MIA2: variants seen among roughly 807,000 people sequenced by gnomAD.
The protein encoded by MIA2 is melanoma inhibitory activity protein 2.
A neutral mutation model predicts 167.8 loss-of-function variants in MIA2; 127 were observed. The ratio of observed to expected loss-of-function variants is 0.76; its 90% CI spans 0.66 to 0.88. MIA2 has a LOEUF of 0.88. Among genes scored for constraint, MIA2 ranks in the 40% least tolerant of loss-of-function variants. MIA2 has a pLI of 0.00. For synonymous variants in MIA2, 552 were observed against 541.9 expected, an observed-to-expected ratio of 1.02 and a Z score of -0.26; for missense variants, 1,690 against 1,624.7, an observed-to-expected ratio of 1.04 and a Z score of -0.69.
intron 6 of MIA2, among the ~76,000 whole-genome samples, chr14:39,264,862 G>A (rs903248821): frequency 1.3e-5 from 2 of 152,160 alleles, no homozygotes; most frequent in Non-Finnish European, 2.9e-5. Context: ...TGTTTCCGAT[G>A]TTCTTGGATG....
chr14:39,343,593 AT>A (rs568688542), intron 25 of MIA2, among the ~76,000 whole-genome samples: 2 of 151,890 alleles, frequency 1.3e-5, no homozygotes, highest in African/African-American at 4.8e-5. Flanking sequence ...CTCCTTATTC[AT>A]TTTTTTCTTA....
chr14:39,305,594 G>A (rs1462722006), intron 17 of MIA2, among the ~76,000 whole-genome samples: 1 of 152,016 alleles, frequency 6.6e-6, no homozygotes, highest in South Asian at 2.1e-4. Context: ...TCCTTTTCTG[G>A]TAATCATTTA....
chr14:39,374,415 C>T (rs542747825), intron 23 of MIA2, among the ~76,000 whole-genome samples: 28 of 152,282 alleles, frequency 1.8e-4, no homozygotes, highest in African/African-American at 6.7e-4. Flanking sequence ...TATGTATATA[C>T]AGATGCTAAC....
intron 25 of MIA2, 48 bp from the exon 26 acceptor site, chr14:39,345,854 CTT>C (rs1203437158): frequency 2.2e-5 from 33 of 1,515,744 alleles, no homozygotes; most frequent in Non-Finnish European, 3.0e-5. Context: ...CTTAAGTAAA[CTT>C]GATTTATATT....
chr14:39,238,195 G>C lies in MIA2; in HGVS notation c.249+1140G>C, dbSNP rs184010730. Reference sequence around the variant, plus strand: ...TGTACAAGTTTTTTTTTTTTATTGAGACAGAGTCTCTCTGTCACCCAGACT... The same window carrying C: ...TGTACAAGTTTTTTTTTTTTATTGACACAGAGTCTCTCTGTCACCCAGACT... On this transcript the variant is annotated intron_variant, in intron 2 of 28. Coordinates refer to ENST00000640607, the MANE Select transcript of MIA2 (RefSeq NM_001329214.4). 3.8e-4 allele frequency among the ~76,000 whole-genome samples: 54 copies of C among 143,142 alleles called. No homozygotes were observed. In the East Asian group the frequency reaches 0.011, roughly 28 times the overall value. 93.9% of individuals were successfully genotyped at this position (143,142 alleles called of 152,430 possible).
At position 39,302,116 on chromosome 14, in the gene MIA2, G is replaced by C. The variant is rs1409334143; in HGVS notation, c.2620-13G>C. 1 of 1,611,012 alleles carries C rather than the reference G, an allele frequency of 6.2e-7. No individual in the cohort carries two copies. Among genetic ancestry groups the C allele is most frequent in the Admixed American group, 1.7e-5 (1 of 59,664 alleles). Reference sequence around the variant, plus strand: ...ATTACCCTCTCTATTTTTCCCCTTTGTTCAATGTCAAGACTCTGACTGAAC... The same window carrying C: ...ATTACCCTCTCTATTTTTCCCCTTTCTTCAATGTCAAGACTCTGACTGAAC... On this transcript the variant is annotated splice_polypyrimidine_tract_variant and intron_variant, in intron 14 of 28. Coordinates refer to ENST00000640607, the MANE Select transcript of MIA2 (RefSeq NM_001329214.4).
chr14:39,301,730 A>G (rs1444255416), intron 14 of MIA2, among the ~76,000 whole-genome samples: 3 of 152,226 alleles, frequency 2.0e-5, no homozygotes, highest in East Asian at 1.9e-4. Context: ...GAATAAATCA[A>G]CTAAAAATCT....
intron 6 of MIA2, chr14:39,267,614 G>A: frequency 8.2e-6 from 12 of 1,466,814 alleles, no homozygotes; most frequent in Non-Finnish European, 1.1e-5. Flanking sequence ...GGTCTAAGCC[G>A]CCGTGGTCAG....
chr14:39,386,743 C>A, intron 23 of MIA2: 1 of 1,338,342 alleles, frequency 7.5e-7, no homozygotes, highest in Non-Finnish European at 1.1e-6. Flanking sequence ...GGTTCAGTTT[C>A]TTCATCCTCC....
chr14:39,272,305 T>C (rs966271955), intron 6 of MIA2, among the ~76,000 whole-genome samples: 3 of 152,002 alleles, frequency 2.0e-5, no homozygotes, highest in African/African-American at 7.2e-5. Context: ...TGAGCTGAGA[T>C]TGCGCCATTG....
In MIA2 at chr14:39,295,015, G is replaced by A; in HGVS notation, c.2482G>A (p.Glu828Lys). ...TTTGAATGAAAATTCTCAACTTCAG[G>A]AAAGCCAGAAACAGGTTTGTGCTCC... is the stretch of plus-strand genomic sequence containing the variant. The part of the protein sequence containing the change: ...DALNENSQLQ[E>K]SQKQLLQEAE... Residue 828 changes from glutamate (E) to lysine (K), a missense_variant, in exon 13 of 29, where the codon GAA (glutamate) becomes AAA (lysine). Glu to Lys is a moderately conservative substitution (Grantham distance 56). Transcript: ENST00000640607. 1 of 1,610,526 alleles carries A rather than the reference G, an allele frequency of 6.2e-7. No individual in the cohort carries two copies. Among genetic ancestry groups the A allele is most frequent in the Non-Finnish European group, 8.5e-7 (1 of 1,176,792 alleles).
At chr14:39,265,159 G>GTATATA (rs3834509) in intron 6 of MIA2, 5 of 380,138 alleles carry the variant, frequency 1.3e-5, no homozygotes, top group African/African-American at 4.3e-5. Context: ...ATGTGTGTGA[G>GTATATA]TATATATATA....
At chr14:39,303,240 C>T (rs2062813080) in intron 15 of MIA2, among the ~76,000 whole-genome samples, 1 of 152,092 alleles carries the variant, frequency 6.6e-6, no homozygotes, top group African/African-American at 2.4e-5. Flanking sequence ...TGTTATAACT[C>T]TGTTCTTGGA....
chr14:39,359,368 C>T (rs2074619857), intron 23 of MIA2, among the ~76,000 whole-genome samples: 1 of 152,206 alleles, frequency 6.6e-6, no homozygotes, highest in African/African-American at 2.4e-5. Flanking sequence ...GGGATATAAT[C>T]TTCTGGTGTG....
chr14:39,315,695 G>T lies in MIA2; in HGVS notation c.3193G>T (p.Glu1065Ter). Residue 1065 changes from glutamate (E) to a stop codon, truncating the protein, a stop_gained, in exon 21 of 29, where the codon GAG becomes TAG. Coordinates refer to ENST00000640607, the MANE Select transcript of MIA2 (RefSeq NM_001329214.4). LOFTEE classifies it high-confidence loss of function. ...HSYQGQIISH[E>*]KKAHDNWLAA... is the part of the protein sequence containing the mutation. The stretch of plus-strand genomic sequence containing the variant: ...CTTTCTTTTTCAGATTATTTCCCAT[G>T]AGAAAAAAGCACATGATAATTGGGT... 6.4e-7 allele frequency: 1 copy of T among 1,554,738 alleles called. No homozygotes were observed. Among genetic ancestry groups the T allele is most frequent in the South Asian group, 1.2e-5 (1 of 84,666 alleles).
chr14:39,356,703 C>T (rs978618260), intron 23 of MIA2, among the ~76,000 whole-genome samples: 4 of 152,170 alleles, frequency 2.6e-5, no homozygotes, highest in African/African-American at 9.7e-5. Flanking sequence ...CTATAAATTT[C>T]CCTCTACACA....
At chr14:39,341,672 AAAG>A (rs1168649057) in intron 25 of MIA2, among the ~76,000 whole-genome samples, 1 of 152,150 alleles carries the variant, frequency 6.6e-6, no homozygotes, top group Non-Finnish European at 1.5e-5. Context: ...GAAGAGAAAA[AAAG>A]GTATGCAGTA....
intron 9 of MIA2, among the ~76,000 whole-genome samples, chr14:39,290,761 A>G (rs988845647): frequency 1.3e-5 from 2 of 152,140 alleles, no homozygotes; most frequent in African/African-American, 4.8e-5. Flanking sequence ...TTATAGTCCT[A>G]TGTTCTCTGA....
At chr14:39,308,416 C>T in intron 17 of MIA2, 33 bp from the exon 18 acceptor site, 1 of 1,320,976 alleles carries the variant, frequency 7.6e-7, no homozygotes, top group Admixed American at 2.6e-5. Context: ...CAAAATGTTT[C>T]TCCTTTAATT....
Sources: gnomAD v4.1 joint callset for allele counts (sites outside exome capture counted in the v4.1 genomes callset) on GRCh38, gnomAD v4.1.1 for gene constraint, MANE v1.5 for transcripts, NCBI Gene and HGNC (gene_info 2026-07-23, HGNC 2026-07-21) for gene names.